ARB2A: variants seen among roughly 807,000 people sequenced by gnomAD.
ARB2A encodes the protein ARB2 cotranscriptional regulator A.
the ARB2A span, among the ~76,000 whole-genome samples, chr5:93,875,760 C>A: frequency 2.0e-5 from 3 of 151,368 alleles, no homozygotes; most frequent in Admixed American, 2.0e-4. Flanking sequence ...AACTAAGCCT[C>A]TTTTTCTTCT....
chr5:93,693,765 T>C, the ARB2A span, among the ~76,000 whole-genome samples: 2 of 152,148 alleles, frequency 1.3e-5, no homozygotes, highest in Non-Finnish European at 2.9e-5. Context: ...CCAATGTCTC[T>C]CATGAACATC....
chr5:94,063,670 G>A, the ARB2A span, among the ~76,000 whole-genome samples: 25 of 151,968 alleles, frequency 1.6e-4, no homozygotes, highest in Admixed American at 1.1e-3. Flanking sequence ...AGCCTACCTG[G>A]TATCCCTGTC....
the ARB2A span, among the ~76,000 whole-genome samples, chr5:93,851,517 C>T: frequency 8.6e-5 from 13 of 151,858 alleles, no homozygotes; most frequent in South Asian, 2.1e-4. Flanking sequence ...GTTAGTTACA[C>T]ATGTATACAT....
chr5:93,866,028 T>C, the ARB2A span: 1 of 984,560 alleles, frequency 1.0e-6, no homozygotes, highest in Non-Finnish European at 1.2e-6. Flanking sequence ...AGAAAAAACG[T>C]TGCTAAATAA....
the ARB2A span, among the ~76,000 whole-genome samples, chr5:93,799,773 G>T: frequency 6.6e-6 from 1 of 151,930 alleles, no homozygotes; most frequent in East Asian, 1.9e-4. Context: ...GGTCTAACTA[G>T]GTAGTATCTA....
the ARB2A span, among the ~76,000 whole-genome samples, chr5:93,898,442 C>A: frequency 5.3e-5 from 8 of 151,952 alleles, no homozygotes; most frequent in African/African-American, 1.9e-4. Context: ...GTTTGATGTA[C>A]TCTTACCCCT....
At chr5:93,907,922 TAAC>T in the ARB2A span, among the ~76,000 whole-genome samples, 20 of 151,402 alleles carry the variant, frequency 1.3e-4, no homozygotes, top group Non-Finnish European at 2.4e-4. Flanking sequence ...TCGAAAGACA[TAAC>T]AACATTGAAA....
At chr5:94,049,691 G>A in the ARB2A span, among the ~76,000 whole-genome samples, 18 of 152,116 alleles carry the variant, frequency 1.2e-4, no homozygotes, top group African/African-American at 4.1e-4. Context: ...GCATGGTGGT[G>A]CACGCCTGTA....
At chr5:93,620,602 G>C in the ARB2A span, 2 of 173,042 alleles carry the variant, frequency 1.2e-5, no homozygotes, top group African/African-American at 4.7e-5. Context: ...GATTAAGGAG[G>C]GGGAAGCAGC....
chr5:93,960,095 C>A, the ARB2A span, among the ~76,000 whole-genome samples: 10,263 of 139,204 alleles, frequency 0.074, 688 homozygotes, highest in Middle Eastern at 0.15. Context: ...CCCCCCCCCC[C>A]AAAAAAAGCC....
chr5:93,919,569 C>A, the ARB2A span, among the ~76,000 whole-genome samples: 1 of 152,058 alleles, frequency 6.6e-6, no homozygotes, highest in Non-Finnish European at 1.5e-5. Context: ...TTGTGATTGG[C>A]AATCATTTAT....
chr5:93,655,671 A>G, the ARB2A span, among the ~76,000 whole-genome samples: 10 of 152,180 alleles, frequency 6.6e-5, no homozygotes, highest in Admixed American at 5.9e-4. Flanking sequence ...AAACAACCTA[A>G]GTCAGTGATG....
At chr5:93,911,451 G>T in the ARB2A span, among the ~76,000 whole-genome samples, 2 of 151,680 alleles carry the variant, frequency 1.3e-5, no homozygotes, top group African/African-American at 4.8e-5. Flanking sequence ...CTAGAAAAAA[G>T]CTTGAAAGAA....
At chr5:94,078,236 G>C in the ARB2A span, among the ~76,000 whole-genome samples, 5 of 152,204 alleles carry the variant, frequency 3.3e-5, no homozygotes, top group East Asian at 5.8e-4. Context: ...CGTAAAATTG[G>C]GTTAATTTTC....
the ARB2A span, among the ~76,000 whole-genome samples, chr5:93,769,159 T>C: frequency 3.3e-5 from 5 of 152,152 alleles, no homozygotes; most frequent in Non-Finnish European, 7.3e-5. Context: ...AACTACAGTA[T>C]TAAATAAGCG....
chr5:93,686,687 A>G, the ARB2A span, among the ~76,000 whole-genome samples: 3 of 152,196 alleles, frequency 2.0e-5, no homozygotes, highest in Non-Finnish European at 4.4e-5. Flanking sequence ...TACTTGCCTG[A>G]AACACTCCAA....
At chr5:93,737,807 C>T in the ARB2A span, 1 of 368,992 alleles carries the variant, frequency 2.7e-6, no homozygotes, top group Non-Finnish European at 5.3e-6. Context: ...AAGTTGGGCA[C>T]TTACCTCATA....
chr5:93,730,759 T>A, the ARB2A span, among the ~76,000 whole-genome samples: 1 of 152,150 alleles, frequency 6.6e-6, no homozygotes, highest in Non-Finnish European at 1.5e-5. Context: ...TCAACTTTTC[T>A]GGGGAAATTT....
At chr5:93,942,206 G>A in the ARB2A span, among the ~76,000 whole-genome samples, 2 of 152,106 alleles carry the variant, frequency 1.3e-5, no homozygotes, top group African/African-American at 4.8e-5. Flanking sequence ...CCAAACACTA[G>A]AGCTGTCATC....
Sources: allele counts gnomAD v4.1 joint callset (sites outside exome capture counted in the v4.1 genomes callset), GRCh38; gene constraint gnomAD v4.1.1; transcripts MANE v1.5; gene names NCBI Gene and HGNC (gene_info 2026-07-23, HGNC 2026-07-21).